Variants in PSD2 observed in about 807,000 individuals in gnomAD.
PSD2 encodes pleckstrin and Sec7 domain containing 2.
In PSD2, 38 loss-of-function variants were observed where a neutral mutation model predicts 69.8. The observed-to-expected ratio is 0.54, with a 90% CI of 0.42 to 0.71. The LOEUF (loss-of-function observed/expected upper bound fraction) is 0.71, where lower values mean the gene tolerates loss of function less well. PSD2 is among the 30% of genes least tolerant of loss of function. PSD2 has a pLI of 0.00. For missense variants in PSD2, 943 were observed against 1,014.5 expected, an observed-to-expected ratio of 0.93 and a Z score of 0.96; for synonymous variants, 412 against 423.0, an observed-to-expected ratio of 0.97 and a Z score of 0.32.
chr5:139,825,375 G>A (rs185831971), intron 7 of PSD2, among the ~76,000 whole-genome samples: 31 of 152,356 alleles, frequency 2.0e-4, no homozygotes, highest in Non-Finnish European at 3.2e-4. Flanking sequence ...ACAAGTTTTC[G>A]TTTGAACACC....
the PSD2 span, among the ~76,000 whole-genome samples, chr5:139,769,797 C>A: frequency 1.1e-3 from 175 of 152,372 alleles, no homozygotes; most frequent in African/African-American, 4.0e-3. Context: ...CTGAGTTGGG[C>A]CAGCCACAGT....
At chr5:139,766,923 T>TC in the PSD2 span, among the ~76,000 whole-genome samples, 8 of 22,980 alleles carry the variant, frequency 3.5e-4, no homozygotes, top group South Asian at 2.0e-3. Context: ...CTTCCTTCCT[T>TC]CCTTCCCTTC....
intron 5 of PSD2, among the ~76,000 whole-genome samples, chr5:139,821,665 G>A (rs1321193501): frequency 6.6e-6 from 1 of 152,182 alleles, no homozygotes; most frequent in Non-Finnish European, 1.5e-5. Flanking sequence ...TCCCTGGAGG[G>A]CAATGAGGAC....
chr5:139,754,792 A>G, the PSD2 span, among the ~76,000 whole-genome samples: 484 of 152,274 alleles, frequency 3.2e-3, 3 homozygotes, highest in African/African-American at 0.011. Flanking sequence ...TGGGAGGATC[A>G]CTTGAACCTG....
intron 5 of PSD2, 34 bp from the exon 6 acceptor site, chr5:139,821,859 A>G: frequency 7.3e-7 from 1 of 1,377,416 alleles, no homozygotes; most frequent in Non-Finnish European, 1.0e-6. Context: ...GTGAGGACTC[A>G]GACTGCCCTC....
the PSD2 span, among the ~76,000 whole-genome samples, chr5:139,760,135 T>A: frequency 6.6e-6 from 1 of 152,228 alleles, no homozygotes; most frequent in Non-Finnish European, 1.5e-5. Context: ...CATCTGCCAG[T>A]ATGGACAGGG....
intron 3 of PSD2, 142 bp downstream of exon 3, chr5:139,813,900 G>A (rs894407806): frequency 6.5e-6 from 5 of 773,832 alleles, no homozygotes; most frequent in Non-Finnish European, 8.0e-6. Context: ...CTGCATCCAG[G>A]CTTCCCACCC....
Position 139,814,214 on chromosome 5 carries a change from T to G in PSD2, c.866T>G (p.Leu289Arg). 6.2e-7 allele frequency: 1 copy of G among 1,613,758 alleles called. No individual in the cohort carries two copies. The highest frequency in any genetic ancestry group is 8.5e-7 in the Non-Finnish European group (1 of 1,179,838). ...KDGLSDSDSE[L>R]SSSEGLEPGS... is the part of the protein sequence containing the mutation. ...GGCCTGTCAGACTCAGACTCTGAGCTCAGCAGCTCGGAGGGGTTGGAGCCT... is the reference window on the plus strand; with the variant it reads ...GGCCTGTCAGACTCAGACTCTGAGCGCAGCAGCTCGGAGGGGTTGGAGCCT... The change falls in exon 4 of 15, where the codon CTC becomes CGC. Residue 289 changes from leucine (L) to arginine (R), a missense_variant. This residue lies in a region of PSD2 where 466 missense variants were observed against 445.0 expected (regional missense o/e 1.05). Coordinates refer to ENST00000274710, the MANE Select transcript of PSD2 (RefSeq NM_032289.4). This position sits in a 1 kb window ranked among gnomAD's most constrained non-coding sequence, Gnocchi z 4.4.
intron 7 of PSD2, among the ~76,000 whole-genome samples, chr5:139,828,272 A>AG (rs1319013672): frequency 1.3e-5 from 2 of 151,672 alleles, no homozygotes; most frequent in Non-Finnish European, 2.9e-5. Context: ...ACCAGGGTTG[A>AG]GGCAAACAGA....
the PSD2 span, among the ~76,000 whole-genome samples, chr5:139,771,989 C>A: frequency 6.6e-6 from 1 of 152,172 alleles, no homozygotes. Flanking sequence ...AGCACCCTTC[C>A]CCAGCCAGGT....
the PSD2 span, among the ~76,000 whole-genome samples, chr5:139,757,925 C>G: frequency 6.6e-6 from 1 of 152,140 alleles, no homozygotes; most frequent in Non-Finnish European, 1.5e-5. Context: ...CCTGTAGTCC[C>G]AGCGCTTTGG....
At chr5:139,751,536 G>A in the PSD2 span, among the ~76,000 whole-genome samples, 3 of 152,166 alleles carry the variant, frequency 2.0e-5, no homozygotes, top group Admixed American at 2.0e-4. Context: ...CAAGACCTTT[G>A]CAATTAGACA....
chr5:139,821,082 G>A (rs531283123), intron 5 of PSD2, among the ~76,000 whole-genome samples: 9 of 152,174 alleles, frequency 5.9e-5, no homozygotes, highest in Admixed American at 1.3e-4. Flanking sequence ...ACAGGCATGC[G>A]CCACCACACC....
rs2126934655 is a variant in PSD2, at chr5:139,809,673, C to T, written c.233C>T (p.Thr78Ile). 6.2e-7 allele frequency: 1 copy of T among 1,614,262 alleles called. No individual in the cohort carries two copies. Among genetic ancestry groups the T allele is most frequent in the East Asian group, 2.2e-5 (1 of 44,886 alleles). Residue 78 changes from threonine to isoleucine, a missense_variant, in exon 2 of 15, where the codon ACC (threonine) becomes ATC (isoleucine). Thr to Ile is a moderately conservative substitution (Grantham distance 89). This residue lies in a region of PSD2 where 466 missense variants were observed against 445.0 expected (regional missense o/e 1.05). Transcript: ENST00000274710. ...FHGLSLGLSL[T>I]NGLALGPDLN... ...GGCCTCAGCCTTGGCCTCTCTCTCA[C>T]CAATGGCCTAGCCCTGGGGCCAGAC... is the stretch of plus-strand genomic sequence containing the variant.
rs1760753215 is a variant in PSD2 at position 139,837,298 on chromosome 5, G to A, written c.1665+60G>A. The A allele has an allele frequency of 5.4e-6, 8 of 1,490,610 alleles. No homozygotes were observed. The highest frequency in any genetic ancestry group is 7.2e-6 in the Non-Finnish European group (8 of 1,106,452). 92.3% of individuals were successfully genotyped at this position (1,490,610 alleles called of 1,614,324 possible). A position where few individuals can be genotyped will look rare whatever the true frequency, so the allele number is the denominator to read the frequency against. ...GGCCAGCTCAGTCCCATCCCGCCCT[G>A]GCCTTGTGGCACCCCGAAGCCCCAG... is the stretch of plus-strand genomic sequence containing the variant. On this transcript the variant is annotated intron_variant, in intron 11 of 14. Coordinates refer to ENST00000274710, the MANE Select transcript of PSD2 (RefSeq NM_032289.4). The surrounding 1 kb of genome is among the most constrained non-coding windows in gnomAD (Gnocchi z 5.0).
the PSD2 span, among the ~76,000 whole-genome samples, chr5:139,771,387 CTTTTT>C: frequency 1.3e-5 from 2 of 151,030 alleles, no homozygotes; most frequent in Non-Finnish European, 3.0e-5. Context: ...CTTTTCTTTT[CTTTTT>C]TTTTGAGATG....
chr5:139,805,069 CGT>C (rs529409252), intron 1 of PSD2, among the ~76,000 whole-genome samples: 27 of 152,044 alleles, frequency 1.8e-4, no homozygotes, highest in African/African-American at 6.5e-4. Context: ...TGCACGTGCG[CGT>C]GTGTCTGGGC....
At chr5:139,840,242 G>A in intron 14 of PSD2, 72 bp downstream of exon 14, 1 of 1,544,528 alleles carries the variant, frequency 6.5e-7, no homozygotes, top group East Asian at 2.3e-5. Context: ...CCTGATGTGG[G>A]ACTGGGGAGG....
chr5:139,789,093 G>C, the PSD2 span, among the ~76,000 whole-genome samples: 1 of 152,226 alleles, frequency 6.6e-6, no homozygotes, highest in African/African-American at 2.4e-5. Context: ...CTGACTGCAC[G>C]GTTTCCCTAC....
Sources: allele counts gnomAD v4.1 joint callset (sites outside exome capture counted in the v4.1 genomes callset), GRCh38; gene constraint gnomAD v4.1.1; regional missense constraint gnomAD v4.1.1; non-coding constraint Gnocchi (gnomAD v3.1); transcripts MANE v1.5; gene names NCBI Gene and HGNC (gene_info 2026-07-23, HGNC 2026-07-21).